The following CGNL1 variants were observed in gnomAD, a reference collection of about 807,000 sequenced individuals.
CGNL1 encodes cingulin like 1.
In CGNL1, 132 loss-of-function variants were observed where a neutral mutation model predicts 141.2. The ratio of observed to expected loss-of-function variants is 0.93; its 90% CI spans 0.81 to 1.08. The LOEUF is 1.08. Among genes scored for constraint, CGNL1 ranks in the 50% least tolerant of loss-of-function variants. The probability of loss-of-function intolerance (pLI) is 0.00; values close to 1 mark genes in which losing one functional copy is unlikely to be tolerated. For missense variants in CGNL1, 1,870 were observed against 1,588.6 expected, an observed-to-expected ratio of 1.18 and a Z score of -3.01; for synonymous variants, 690 against 622.1, an observed-to-expected ratio of 1.11 and a Z score of -1.63.
At chr15:57,532,539 G>A (rs2032008583) in intron 14 of CGNL1, among the ~76,000 whole-genome samples, 1 of 152,138 alleles carries the variant, frequency 6.6e-6, no homozygotes, top group Non-Finnish European at 1.5e-5. Flanking sequence ...AATTAGTTCC[G>A]TCATCTATAA....
rs771914406 is a variant in CGNL1 at position 57,439,193 on chromosome 15, A to G, written c.1194A>G (p.Gln398=). 2.0e-5 allele frequency: 33 copies of G among 1,614,054 alleles called. No homozygotes were observed. The highest frequency in any genetic ancestry group is 7.7e-5 in the South Asian group (7 of 91,082). Residue 398 remains glutamine, a synonymous_variant, in exon 2 of 19, where the codon CAA becomes CAG. Coordinates refer to ENST00000281282, the MANE Select transcript of CGNL1 (RefSeq NM_032866.5). ...SVDSAFPFGL[Q]GNSEYLIEFS... is the part of the protein sequence containing the mutation. ...ATAGCGCCTTTCCTTTTGGCCTCCA[A>G]GGGAACTCGGAGTACCTGATTGAAT...
intron 8 of CGNL1, among the ~76,000 whole-genome samples, chr15:57,477,312 A>G (rs1326954674): frequency 6.6e-6 from 1 of 152,206 alleles, no homozygotes; most frequent in Non-Finnish European, 1.5e-5. Context: ...ATTGTCCAAG[A>G]GCCCAAAGAC....
At chr15:57,523,007 A>G (rs1483756053) in intron 10 of CGNL1, among the ~76,000 whole-genome samples, 1 of 152,224 alleles carries the variant, frequency 6.6e-6, no homozygotes, top group South Asian at 2.1e-4. Context: ...TCTGTGGGGT[A>G]GTGTTCTCTT....
chr15:57,445,073 G>A (rs533449329), intron 4 of CGNL1, among the ~76,000 whole-genome samples: 118 of 152,206 alleles, frequency 7.8e-4, no homozygotes, highest in African/African-American at 2.2e-3. Flanking sequence ...ACCAGCCTGG[G>A]CAATGTAGTG....
At chr15:57,446,100 CTG>C (rs1555436351) in intron 4 of CGNL1, among the ~76,000 whole-genome samples, 1 of 152,188 alleles carries the variant, frequency 6.6e-6, no homozygotes, top group Non-Finnish European at 1.5e-5. Context: ...GTAGATTACA[CTG>C]TAACAAATAT....
chr15:57,474,103 G>T (rs923846105), intron 8 of CGNL1, among the ~76,000 whole-genome samples: 5 of 151,628 alleles, frequency 3.3e-5, no homozygotes, highest in Non-Finnish European at 5.9e-5. Context: ...TAGAGACGGG[G>T]TTTCACCATA....
chr15:57,377,641 C>T (rs1377199639), intron 1 of CGNL1, among the ~76,000 whole-genome samples: 1 of 152,198 alleles, frequency 6.6e-6, no homozygotes, highest in African/African-American at 2.4e-5. Flanking sequence ...GTAGATGGTG[C>T]CTTTACTGAA....
chr15:57,487,494 G>A (rs1408995637), intron 8 of CGNL1, among the ~76,000 whole-genome samples: 3 of 152,112 alleles, frequency 2.0e-5, no homozygotes, highest in Non-Finnish European at 4.4e-5. Flanking sequence ...AGCATTTTGA[G>A]GAATTCTTAA....
chr15:57,477,491 T>C (rs1174182625), intron 8 of CGNL1: 1 of 152,162 alleles, frequency 6.6e-6, no homozygotes, highest in Non-Finnish European at 1.5e-5. Context: ...TCTGGGGAAG[T>C]ATTTTGAGCC....
intron 8 of CGNL1, among the ~76,000 whole-genome samples, chr15:57,471,895 A>T (rs1460097350): frequency 1.3e-5 from 2 of 152,148 alleles, no homozygotes; most frequent in Non-Finnish European, 2.9e-5. Context: ...TTGTAGGAAT[A>T]ACATGGAGAA....
rs1007795644 is a variant in CGNL1, at chr15:57,430,348, A to G, written c.-15-7637A>G. Reference sequence around the variant, plus strand: ...TAGCTTAGCTCTGCCCTGGTAGGAGAAACTTTCAGAAATCATTTTAAGCCT... The same window carrying G: ...TAGCTTAGCTCTGCCCTGGTAGGAGGAACTTTCAGAAATCATTTTAAGCCT... On this transcript the variant is annotated intron_variant, in intron 1 of 18. Transcript: ENST00000281282. Among the ~76,000 whole-genome samples the G allele has an allele frequency of 3.9e-5, 6 of 152,286 alleles. No homozygotes were observed. The South Asian group carries it at 1.2e-3, about 32-fold the overall frequency.
At chr15:57,514,964 C>T (rs1328917004) in intron 8 of CGNL1, among the ~76,000 whole-genome samples, 1 of 152,080 alleles carries the variant, frequency 6.6e-6, no homozygotes, top group South Asian at 2.1e-4. Context: ...ATTTATATGC[C>T]TTCCCTCATG....
intron 1 of CGNL1, among the ~76,000 whole-genome samples, chr15:57,410,192 G>A (rs533820906): frequency 3.3e-5 from 5 of 152,332 alleles, no homozygotes; most frequent in Admixed American, 2.0e-4. Context: ...GACAGACTCC[G>A]TCAGGATCCT....
intron 8 of CGNL1, among the ~76,000 whole-genome samples, chr15:57,476,225 T>C (rs1160179868): frequency 4.0e-5 from 6 of 151,826 alleles, no homozygotes; most frequent in African/African-American, 1.5e-4. Flanking sequence ...CCAGGGCGGG[T>C]TCCTAAGAGG....
intron 8 of CGNL1, chr15:57,478,145 C>T (rs1474814506): frequency 1.3e-5 from 2 of 152,180 alleles, no homozygotes; most frequent in Non-Finnish European, 2.9e-5. Context: ...CATCCAGCAG[C>T]CAGGACCGTG....
intron 8 of CGNL1, among the ~76,000 whole-genome samples, chr15:57,463,815 C>T (rs1451502052): frequency 6.6e-6 from 1 of 152,180 alleles, no homozygotes; most frequent in Non-Finnish European, 1.5e-5. Flanking sequence ...GAGTGACTTG[C>T]TCCTGCTTTG....
chr15:57,403,745 CGTT>C (rs532662208), intron 1 of CGNL1, among the ~76,000 whole-genome samples: 204 of 152,286 alleles, frequency 1.3e-3, no homozygotes, highest in African/African-American at 4.7e-3. Flanking sequence ...ATGGAGGTGA[CGTT>C]GTGCAGAAGG....
At chr15:57,523,323 A>G (rs2031391858) in intron 10 of CGNL1, among the ~76,000 whole-genome samples, 166 bp from the exon 11 acceptor site, 1 of 152,228 alleles carries the variant, frequency 6.6e-6, no homozygotes, top group African/African-American at 2.4e-5. Context: ...TTTCAGAACC[A>G]ACAATGCCCT....
At chr15:57,527,057 G>T (rs768121811) in intron 12 of CGNL1, 1 of 152,070 alleles carries the variant, frequency 6.6e-6, no homozygotes, top group Non-Finnish European at 1.5e-5. Context: ...GAGCGTTTTT[G>T]TTTTTTGTTT....
Sources: allele counts gnomAD v4.1 joint callset (sites outside exome capture counted in the v4.1 genomes callset), GRCh38; gene constraint gnomAD v4.1.1; transcripts MANE v1.5; gene names NCBI Gene and HGNC (gene_info 2026-07-23, HGNC 2026-07-21).